The following KIF6 variants were observed in gnomAD, a reference collection of about 807,000 sequenced individuals.
The protein encoded by KIF6 is kinesin-like protein KIF6.
KIF6 carries 106 observed loss-of-function variants against 112.7 expected under a neutral mutation model. The observed-to-expected ratio is 0.94, with a 90% CI of 0.80 to 1.11. KIF6 has a LOEUF of 1.11. Among genes scored for constraint, KIF6 ranks in the 50% least tolerant of loss-of-function variants. KIF6 has a pLI of 0.00. For synonymous variants in KIF6, 339 were observed against 339.9 expected (o/e 1.00, Z 0.03); for missense variants, 929 against 964.0 (o/e 0.96, Z 0.48).
rs1436371982 is a variant in KIF6, at chr6:39,540,175, C to T, written c.1473G>A (p.Glu491=). The T allele has an allele frequency of 4.3e-6, 7 of 1,613,560 alleles. No homozygotes were observed. The highest frequency in any genetic ancestry group is 5.1e-6 in the Non-Finnish European group (6 of 1,179,920). The stretch of plus-strand genomic sequence containing the variant: ...TATCCATGCCAGCCAAGTGGAGAGC[C>T]TCCTGAGCTTTCTTCTTTTCTTTTT... ...MLKKEKKKAQ[E]ALHLAGMDRR... The change falls in exon 13 of 23, where the codon GAG becomes GAA. Residue 491 remains glutamate (E), a synonymous_variant. Coordinates refer to ENST00000287152, the MANE Select transcript of KIF6 (RefSeq NM_145027.6).
chr6:39,593,566 A>G (rs1782068664), intron 7 of KIF6, among the ~76,000 whole-genome samples: 1 of 152,158 alleles, frequency 6.6e-6, no homozygotes, highest in Non-Finnish European at 1.5e-5. Flanking sequence ...CTGTGAAGAC[A>G]CTTGTGTATC....
chr6:39,477,033 T>C (rs1774467172), intron 13 of KIF6, among the ~76,000 whole-genome samples: 1 of 152,216 alleles, frequency 6.6e-6, no homozygotes, highest in Admixed American at 6.5e-5. Context: ...GGGAAGGCTC[T>C]GGGAGGGATA....
At chr6:39,381,701 G>A (rs1554204093) in intron 16 of KIF6, among the ~76,000 whole-genome samples, 1 of 152,168 alleles carries the variant, frequency 6.6e-6, no homozygotes, top group Non-Finnish European at 1.5e-5. Context: ...ACCTCCTAAG[G>A]AGCTTGGACG....
intron 3 of KIF6, among the ~76,000 whole-genome samples, chr6:39,692,942 C>T (rs160023): frequency 0.87 from 131,998 of 152,140 alleles, 57,550 homozygotes; most frequent in East Asian, 0.97. Context: ...GAAGTAGCCT[C>T]TCAGCATCAA....
chr6:39,704,492 C>T (rs1048329976), intron 3 of KIF6, among the ~76,000 whole-genome samples: 1 of 152,124 alleles, frequency 6.6e-6, no homozygotes, highest in Non-Finnish European at 1.5e-5. Context: ...GTGGCACATG[C>T]CTGTAATCCC....
rs1355717086 is a variant in KIF6, at chr6:39,331,421, G to A, written c.*5111C>T. On this transcript the variant is annotated 3_prime_UTR_variant, in exon 23 of 23. Coordinates refer to ENST00000287152, the MANE Select transcript of KIF6 (RefSeq NM_145027.6). Reference sequence around the variant, plus strand: ...TTTTCAGAGAAGGAGTCTCGCTCTTGTTGCCCAGGTTGGAGTGCAGTGGCA... The same window carrying A: ...TTTTCAGAGAAGGAGTCTCGCTCTTATTGCCCAGGTTGGAGTGCAGTGGCA... The A allele has an allele frequency of 6.7e-6, 1 of 148,710 alleles. No individual in the cohort carries two copies. Among genetic ancestry groups the A allele is most frequent in the Non-Finnish European group, 1.5e-5 (1 of 67,582 alleles). The allele number at this position is 148,710 out of a possible 1,614,324, so 9.2% of individuals were successfully genotyped here. A position where few individuals can be genotyped will look rare whatever the true frequency, so the allele number is the denominator to read the frequency against.
chr6:39,639,958 A>G (rs1784822645), intron 3 of KIF6, among the ~76,000 whole-genome samples: 1 of 152,130 alleles, frequency 6.6e-6, no homozygotes, highest in Non-Finnish European at 1.5e-5. Flanking sequence ...CCTGTTCTCT[A>G]AGAAAGGATG....
At chr6:39,553,367 T>C (rs1779502746) in intron 10 of KIF6, among the ~76,000 whole-genome samples, 1 of 152,236 alleles carries the variant, frequency 6.6e-6, no homozygotes. Context: ...CACAGTCATG[T>C]AGTACCTCAA....
chr6:39,654,218 G>T (rs1785638586), intron 3 of KIF6, among the ~76,000 whole-genome samples: 1 of 152,046 alleles, frequency 6.6e-6, no homozygotes, highest in Non-Finnish European at 1.5e-5. Context: ...GGGTGGTGGG[G>T]GACAAACTGT....
chr6:39,575,492 G>A (rs554833479), intron 10 of KIF6, among the ~76,000 whole-genome samples: 13 of 152,092 alleles, frequency 8.5e-5, no homozygotes, highest in South Asian at 4.2e-4. Context: ...GGATGGTCTC[G>A]ATCTCCTGAC....
intron 13 of KIF6, among the ~76,000 whole-genome samples, chr6:39,449,107 C>T (rs977810708): frequency 1.2e-4 from 18 of 152,192 alleles, no homozygotes; most frequent in African/African-American, 3.4e-4. Flanking sequence ...TAACCCAAGT[C>T]GTTGCCATTT....
chr6:39,712,960 A>T (rs142637475), intron 3 of KIF6, among the ~76,000 whole-genome samples: 102 of 152,358 alleles, frequency 6.7e-4, no homozygotes, highest in African/African-American at 2.1e-3. Flanking sequence ...ATAATAATTT[A>T]AAAAATGTCA....
intron 3 of KIF6, among the ~76,000 whole-genome samples, chr6:39,678,462 G>T (rs997719273): frequency 6.6e-6 from 1 of 152,154 alleles, no homozygotes; most frequent in Admixed American, 6.5e-5. Flanking sequence ...TAAAATACAG[G>T]CCAGGCTTTT....
chr6:39,350,997 G>C (rs1408057660), intron 19 of KIF6, among the ~76,000 whole-genome samples: 1 of 152,096 alleles, frequency 6.6e-6, no homozygotes. Flanking sequence ...GCAACCACAG[G>C]GGACAGGGCT....
chr6:39,661,370 C>T (rs2150812459), intron 3 of KIF6, among the ~76,000 whole-genome samples: 1 of 152,252 alleles, frequency 6.6e-6, no homozygotes, highest in African/African-American at 2.4e-5. Context: ...CACATCATGT[C>T]ATACAGCACA....
intron 13 of KIF6, among the ~76,000 whole-genome samples, chr6:39,492,781 G>C (rs917846463): frequency 8.5e-5 from 13 of 152,190 alleles, no homozygotes; most frequent in Non-Finnish European, 1.9e-4. Context: ...AGTTCTCAGG[G>C]TAAAGAACCC....
chr6:39,519,353 G>A (rs1777253817), intron 13 of KIF6, among the ~76,000 whole-genome samples: 1 of 152,152 alleles, frequency 6.6e-6, no homozygotes, highest in African/African-American at 2.4e-5. Context: ...TCATGTCATG[G>A]TTTTAGCCAG....
intron 19 of KIF6, among the ~76,000 whole-genome samples, chr6:39,352,754 C>T (rs889459376): frequency 1.2e-4 from 18 of 152,084 alleles, no homozygotes; most frequent in Non-Finnish European, 2.2e-4. Context: ...CACGTGCATG[C>T]CAATATCCTT....
At chr6:39,701,928 C>G (rs556982225) in intron 3 of KIF6, among the ~76,000 whole-genome samples, 11 of 152,256 alleles carry the variant, frequency 7.2e-5, no homozygotes, top group Admixed American at 4.6e-4. Context: ...TTACTCAGGT[C>G]AACAAATTTG....
Sources: gnomAD v4.1 joint callset for allele counts (sites outside exome capture counted in the v4.1 genomes callset) on GRCh38, gnomAD v4.1.1 for gene constraint, MANE v1.5 for transcripts, NCBI Gene and HGNC (gene_info 2026-07-23, HGNC 2026-07-21) for gene names.